ANKS1B: variants seen among roughly 807,000 people sequenced by gnomAD.
ANKS1B encodes ankyrin repeat and sterile alpha motif domain-containing protein 1B.
In ANKS1B, 36 loss-of-function variants were observed where a neutral mutation model predicts 148.3. That is an observed-to-expected ratio of 0.24 (90% CI 0.19 to 0.32). ANKS1B has a LOEUF of 0.32. ANKS1B is among the 10% of genes least tolerant of loss of function. ANKS1B has a pLI of 1.00. For missense variants in ANKS1B, 1,157 were observed against 1,542.6 expected (o/e 0.75, Z 4.19); for synonymous variants, 542 against 560.8 (o/e 0.97, Z 0.47).
chr12:98,984,695 T>G (rs1396038355), intron 17 of ANKS1B, among the ~76,000 whole-genome samples: 1 of 152,180 alleles, frequency 6.6e-6, no homozygotes, highest in African/African-American at 2.4e-5. Flanking sequence ...CCAGATTTTT[T>G]TAACCTATTT....
chr12:98,986,878 G>A (rs780283156), intron 17 of ANKS1B, among the ~76,000 whole-genome samples: 11 of 152,026 alleles, frequency 7.2e-5, no homozygotes, highest in East Asian at 1.9e-4. Flanking sequence ...CTTGGCCTCC[G>A]AAAGTGCTTA....
chr12:99,643,106 TG>T (rs889963491), intron 9 of ANKS1B, among the ~76,000 whole-genome samples: 1 of 152,354 alleles, frequency 6.6e-6, no homozygotes, highest in Non-Finnish European at 1.5e-5. Context: ...TTTAGACATT[TG>T]GGGAGGAGCA....
At chr12:99,158,932 G>C (rs2076358564) in intron 14 of ANKS1B, among the ~76,000 whole-genome samples, 1 of 152,138 alleles carries the variant, frequency 6.6e-6, no homozygotes, top group Non-Finnish European at 1.5e-5. Context: ...TTCAATTCCT[G>C]GTGAGTGTGG....
intron 9 of ANKS1B, among the ~76,000 whole-genome samples, chr12:99,508,820 T>C (rs2096736269): frequency 1.3e-5 from 2 of 151,900 alleles, no homozygotes; most frequent in African/African-American, 2.4e-5. Context: ...ATTGGTTCCA[T>C]ATATATGTCT....
rs577838583 is a variant in ANKS1B, at chr12:99,054,730, GAC to G, written c.2626-1423_2626-1422del. 2.7e-3 allele frequency among the ~76,000 whole-genome samples: 414 copies of G among 152,250 alleles called. 2 individuals carry two copies. Among genetic ancestry groups the G allele is most frequent in the African/African-American group, 9.5e-3 (395 of 41,544 alleles). On this transcript the variant is annotated intron_variant, in intron 16 of 26. Coordinates refer to ENST00000683438, the MANE Select transcript of ANKS1B (RefSeq NM_001352186.2). The stretch of plus-strand genomic sequence containing the variant: ...ATTTTTGTATGTGTCTCTACTAAGA[GAC>G]AGAGTTTCACCATGTTGGCCAGGCT...
intron 1 of ANKS1B, among the ~76,000 whole-genome samples, chr12:99,891,420 A>G (rs1005282035): frequency 2.0e-5 from 3 of 152,028 alleles, no homozygotes; most frequent in Non-Finnish European, 2.9e-5. Flanking sequence ...GAGTCTTGCT[A>G]TGTTGCCCAG....
downstream of ANKS1B, among the ~76,000 whole-genome samples, chr12:98,740,108 G>A (rs894471866): frequency 3.9e-5 from 6 of 152,154 alleles, no homozygotes; most frequent in African/African-American, 1.4e-4. Context: ...CTTGTTGCTG[G>A]GGCCAGTAGC....
rs7957072 is a variant in ANKS1B at position 98,937,390 on chromosome 12, T to C, written c.2779-105254A>G. Among the ~76,000 whole-genome samples the C allele has an allele frequency of 7.0e-3, 1,068 of 152,182 alleles. 15 individuals are homozygous for C. Among genetic ancestry groups the C allele is most frequent in the African/African-American group, 0.024 (1,014 of 41,504 alleles). On this transcript the variant is annotated intron_variant, in intron 17 of 26. Coordinates refer to ENST00000683438, the MANE Select transcript of ANKS1B (RefSeq NM_001352186.2). ...AAGTCCAAATTCTTTAGTATGGCAT[T>C]TATGTCCTCTGGGGACCCTCCAGCT...
intron 9 of ANKS1B, among the ~76,000 whole-genome samples, chr12:99,617,796 AAAGT>A (rs1016028018): frequency 2.2e-4 from 31 of 139,580 alleles, no homozygotes; most frequent in Non-Finnish European, 4.2e-4. Flanking sequence ...CCCAGAACTT[AAAGT>A]AAGATTTAAA....
Position 98,918,018 on chromosome 12 carries a change from A to C in ANKS1B, c.2779-85882T>G, listed in dbSNP as rs1453852330. On this transcript the variant is annotated intron_variant, in intron 17 of 26. Transcript: ENST00000683438. Reference sequence around the variant, plus strand: ...CAGAAAATAAGTAGAGAGGCTATTTATGTTCACTGCAATATTAGTTTGATA... The same window carrying C: ...CAGAAAATAAGTAGAGAGGCTATTTCTGTTCACTGCAATATTAGTTTGATA... 1.3e-5 allele frequency among the ~76,000 whole-genome samples: 2 copies of C among 152,222 alleles called. 1 individual carries two copies. Among genetic ancestry groups the C allele is most frequent in the African/African-American group, 4.8e-5 (2 of 41,468 alleles).
chr12:98,953,998 T>C (rs1457111081), intron 17 of ANKS1B, among the ~76,000 whole-genome samples: 1 of 152,226 alleles, frequency 6.6e-6, no homozygotes, highest in Non-Finnish European at 1.5e-5. Flanking sequence ...CCTTGTTGTC[T>C]ACATCTTTGC....
intron 12 of ANKS1B, among the ~76,000 whole-genome samples, chr12:99,258,674 T>C (rs957554089): frequency 6.6e-6 from 1 of 151,892 alleles, no homozygotes; most frequent in Non-Finnish European, 1.5e-5. Flanking sequence ...TTCATTTTTT[T>C]CCAAATATTG....
intron 12 of ANKS1B, among the ~76,000 whole-genome samples, chr12:99,284,666 A>G (rs2078888410): frequency 6.6e-6 from 1 of 152,040 alleles, no homozygotes; most frequent in Admixed American, 6.6e-5. Flanking sequence ...TCTGTAATCC[A>G]TTCTCCATGT....
chr12:99,092,682 C>A (rs1447522297), intron 15 of ANKS1B, among the ~76,000 whole-genome samples: 2 of 152,134 alleles, frequency 1.3e-5, no homozygotes, highest in Non-Finnish European at 2.9e-5. Flanking sequence ...AATGCCCTGT[C>A]ACTGTAGATG....
At chr12:99,475,414 C>A (rs1390733769) in intron 10 of ANKS1B, among the ~76,000 whole-genome samples, 1 of 151,560 alleles carries the variant, frequency 6.6e-6, no homozygotes, top group East Asian at 1.9e-4. Flanking sequence ...AAAAAAAATT[C>A]TTTCAACAGA....
chr12:99,651,944 T>C (rs1445464957), intron 9 of ANKS1B, among the ~76,000 whole-genome samples: 1 of 151,646 alleles, frequency 6.6e-6, no homozygotes, highest in African/African-American at 2.4e-5. Flanking sequence ...AAATATACTA[T>C]ATATACACAA....
At chr12:99,769,009 A>C (rs914138237) in intron 8 of ANKS1B, among the ~76,000 whole-genome samples, 1 of 123,572 alleles carries the variant, frequency 8.1e-6, no homozygotes, top group Non-Finnish European at 1.7e-5. Flanking sequence ...TGAGAAATAA[A>C]TGCTTTTTTT....
chr12:98,812,489 C>A (rs73380428), intron 19 of ANKS1B, among the ~76,000 whole-genome samples: 31 of 152,136 alleles, frequency 2.0e-4, no homozygotes, highest in Non-Finnish European at 8.8e-5. Context: ...TTAGGTTATG[C>A]GTAACTGTCA....
intron 26 of ANKS1B, among the ~76,000 whole-genome samples, chr12:98,746,248 C>G (rs571947670): frequency 6.6e-6 from 1 of 152,282 alleles, no homozygotes; most frequent in South Asian, 2.1e-4. Context: ...TGGTTTCCAT[C>G]ACAGTCAGTC....
Sources: gnomAD v4.1 joint callset for allele counts (sites outside exome capture counted in the v4.1 genomes callset) on GRCh38, gnomAD v4.1.1 for gene constraint, MANE v1.5 for transcripts, NCBI Gene and HGNC (gene_info 2026-07-23, HGNC 2026-07-21) for gene names.